The following MON2 variants were observed in gnomAD, a reference collection of about 807,000 sequenced individuals.
MON2 encodes MON2 regulator of endosome-to-Golgi trafficking, also known as protein MON2 homolog.
MON2 carries 84 observed loss-of-function variants against 208.6 expected under a neutral mutation model. The ratio of observed to expected loss-of-function variants is 0.40; its 90% CI spans 0.34 to 0.48. The LOEUF (loss-of-function observed/expected upper bound fraction) is 0.48, where lower values mean the gene tolerates loss of function less well. MON2 is among the 20% of genes least tolerant of loss of function. MON2 has a pLI of 0.59. For missense variants in MON2, 1,611 were observed against 2,015.4 expected (o/e 0.80, Z 3.84); for synonymous variants, 660 against 694.0 (o/e 0.95, Z 0.77).
At chr12:62,508,250 T>C in intron 7 of MON2, 36 bp from the exon 8 acceptor site, 1 of 1,519,626 alleles carries the variant, frequency 6.6e-7, no homozygotes, top group Non-Finnish European at 9.1e-7. Context: ...CAAATAAAGT[T>C]AATTATTTTT....
intron 12 of MON2, among the ~76,000 whole-genome samples, chr12:62,534,119 A>G (rs1490497889): frequency 6.6e-6 from 1 of 152,088 alleles, no homozygotes; most frequent in Non-Finnish European, 1.5e-5. Context: ...AGCTGGGCAT[A>G]GTGGCATGTG....
Position 62,544,887 on chromosome 12 carries a change from T to C in MON2, c.2467-11T>C, listed in dbSNP as rs1382843667. The C allele has an allele frequency of 1.9e-6, 3 of 1,600,608 alleles. No individual in the cohort carries two copies. In the Admixed American group the frequency reaches 5.1e-5, roughly 27 times the overall value. On this transcript the variant is annotated splice_polypyrimidine_tract_variant and intron_variant, in intron 20 of 34. Coordinates refer to ENST00000393630, the MANE Select transcript of MON2 (RefSeq NM_015026.3). ...AGTATACAAATTAAACTTAATTTTATATACCTTCAGGTCTGCCAGCATCCA... is the reference window on the plus strand; with the variant it reads ...AGTATACAAATTAAACTTAATTTTACATACCTTCAGGTCTGCCAGCATCCA...
In MON2 at chr12:62,599,272, G is replaced by A. The variant is rs1162541990; in HGVS notation, c.*6523G>A. The A allele has an allele frequency of 6.6e-6, 1 of 152,156 alleles. No homozygotes were observed. Among genetic ancestry groups the A allele is most frequent in the African/African-American group, 2.4e-5 (1 of 41,452 alleles). The allele number at this position is 152,156 out of a possible 1,614,324, so 9.4% of individuals were successfully genotyped here. A position where few individuals can be genotyped will look rare whatever the true frequency, so the allele number is the denominator to read the frequency against. Reference sequence around the variant, plus strand: ...ACTTTAAGTAAAAATGCTAGGTCAAGTAAAAATCCTGATGTAGATTAGATT... The same window carrying A: ...ACTTTAAGTAAAAATGCTAGGTCAAATAAAAATCCTGATGTAGATTAGATT... On this transcript the variant is annotated 3_prime_UTR_variant, in exon 35 of 35. Transcript: ENST00000393630.
chr12:62,585,486 A>T lies in MON2; in HGVS notation c.4892A>T (p.Lys1631Ile), dbSNP rs2075191760. 2 of 1,604,414 alleles carry T rather than the reference A, an allele frequency of 1.2e-6. No homozygotes were observed. The highest frequency in any genetic ancestry group is 1.7e-6 in the Non-Finnish European group (2 of 1,172,162). The part of the protein sequence containing the change: ...RYIEDERLSG[K>I]CPLPRQQVTE... The stretch of plus-strand genomic sequence containing the variant: ...ATAGAGGATGAAAGATTAAGTGGTA[A>T]ATGCCCTCTTCCAAGGTATATATTT... The change falls in exon 33 of 35, where the codon AAA becomes ATA. Residue 1631 changes from lysine (K) to isoleucine (I), a missense_variant. Coordinates refer to ENST00000393630, the MANE Select transcript of MON2 (RefSeq NM_015026.3).
At chr12:62,568,339 G>A (rs1004232652) in intron 29 of MON2, among the ~76,000 whole-genome samples, 9 of 152,058 alleles carry the variant, frequency 5.9e-5, no homozygotes, top group Non-Finnish European at 1.2e-4. Flanking sequence ...ATCAGTTTGT[G>A]TATTTTTATT....
Position 62,595,637 on chromosome 12 carries a change from A to G in MON2, c.*2888A>G, listed in dbSNP as rs2075513231. On this transcript the variant is annotated 3_prime_UTR_variant, in exon 35 of 35. Transcript: ENST00000393630. The stretch of plus-strand genomic sequence containing the variant: ...AGATTACTTCTTAGTTTCCTATGCT[A>G]CCACCACTGCCAAGGGAGAAAAAAA... 6.6e-6 allele frequency: 1 copy of G among 152,216 alleles called. No individual in the cohort carries two copies. The highest frequency in any genetic ancestry group is 1.5e-5 in the Non-Finnish European group (1 of 68,032). 9.4% of individuals were successfully genotyped at this position (152,216 alleles called of 1,614,324 possible).
chr12:62,468,168 C>A (rs1374976083), intron 1 of MON2, among the ~76,000 whole-genome samples: 11 of 145,344 alleles, frequency 7.6e-5, no homozygotes, highest in Non-Finnish European at 1.2e-4. Flanking sequence ...AAAAAAAAAA[C>A]AAACAAAAAA....
At chr12:62,483,428 C>T (rs183504971) in intron 1 of MON2, among the ~76,000 whole-genome samples, 57 of 152,294 alleles carry the variant, frequency 3.7e-4, no homozygotes, top group East Asian at 1.7e-3. Context: ...GGTCTGGGCA[C>T]GGTGGCCCAT....
In MON2 at chr12:62,598,192, CCCAGAGGTCAA is replaced by C. The variant is rs1227560430; in HGVS notation, c.*5444_*5454del. On this transcript the variant is annotated 3_prime_UTR_variant, in exon 35 of 35. Coordinates refer to ENST00000393630, the MANE Select transcript of MON2 (RefSeq NM_015026.3). ...GTGTGATTGGTTCACCCAGAGGTCA[CCCAGAGGTCAA>C]TTGAAACCTTCCTAATTGTACTATG... 6.6e-6 allele frequency: 1 copy of C among 152,100 alleles called. No individual in the cohort carries two copies. The highest frequency in any genetic ancestry group is 1.5e-5 in the Non-Finnish European group (1 of 68,018). 9.4% of individuals were successfully genotyped at this position (152,100 alleles called of 1,614,324 possible). A position where few individuals can be genotyped will look rare whatever the true frequency, so the allele number is the denominator to read the frequency against.
chr12:62,501,151 TTTAAAAAAGGA>T (rs2070808781), intron 6 of MON2, among the ~76,000 whole-genome samples: 1 of 152,158 alleles, frequency 6.6e-6, no homozygotes, highest in Non-Finnish European at 1.5e-5. Context: ...AAAAAGTTTC[TTTAAAAAAGGA>T]AAATTTAAGT....
intron 25 of MON2, among the ~76,000 whole-genome samples, chr12:62,558,103 T>G (rs1334612959): frequency 6.7e-6 from 1 of 148,796 alleles, no homozygotes; most frequent in Non-Finnish European, 1.5e-5. Flanking sequence ...GCCTCCTGAG[T>G]AGCAGGGATT....
chr12:62,554,828 C>T (rs932211101), intron 24 of MON2, among the ~76,000 whole-genome samples: 3 of 151,990 alleles, frequency 2.0e-5, no homozygotes, highest in Non-Finnish European at 4.4e-5. Context: ...CTCTCCTTAC[C>T]TTTGTGTGTG....
At chr12:62,523,520 T>C (rs979587515) in intron 8 of MON2, among the ~76,000 whole-genome samples, 4 of 152,178 alleles carry the variant, frequency 2.6e-5, no homozygotes, top group Admixed American at 2.6e-4. Context: ...ATGTTGTTTT[T>C]AGTTATTCCT....
At chr12:62,546,756 C>G in intron 21 of MON2, 141 bp from the exon 22 acceptor site, 1 of 644,950 alleles carries the variant, frequency 1.6e-6, no homozygotes, top group Non-Finnish European at 2.4e-6. Flanking sequence ...GACTCCATTT[C>G]AAAAAAAATA....
chr12:62,585,045 G>A (rs1192448633), intron 32 of MON2, among the ~76,000 whole-genome samples: 1 of 137,046 alleles, frequency 7.3e-6, no homozygotes, highest in Non-Finnish European at 1.5e-5. Context: ...TTGTGAGGGG[G>A]AATTTGTTTC....
chr12:62,493,350 C>T (rs908926768), intron 2 of MON2, among the ~76,000 whole-genome samples: 2 of 151,982 alleles, frequency 1.3e-5, no homozygotes, highest in African/African-American at 4.8e-5. Flanking sequence ...GCATGTGTAC[C>T]CAATTAATTT....
At chr12:62,592,368 T>C (rs542187446) in intron 34 of MON2, among the ~76,000 whole-genome samples, 1 of 152,330 alleles carries the variant, frequency 6.6e-6, no homozygotes, top group South Asian at 2.1e-4. Flanking sequence ...AATTTATTGT[T>C]ACTGATGACT....
At chr12:62,536,713 A>G (rs1319965330) in intron 14 of MON2, among the ~76,000 whole-genome samples, 1 of 149,786 alleles carries the variant, frequency 6.7e-6, no homozygotes, top group Non-Finnish European at 1.5e-5. Flanking sequence ...TTTTTGAGAC[A>G]GAGTCACTCT....
rs532638824 is a variant in MON2 at position 62,539,399 on chromosome 12, G to C, written c.2364+894G>C. ...CTGCCTCAGCCTCCCAAGTAGCTGG[G>C]ACTACAGGTGCCCGCCACCACGCCC... On this transcript the variant is annotated intron_variant, in intron 19 of 34. Coordinates refer to ENST00000393630, the MANE Select transcript of MON2 (RefSeq NM_015026.3). 8.0e-4 allele frequency among the ~76,000 whole-genome samples: 121 copies of C among 151,982 alleles called. 1 individual carries two copies. The highest frequency in any genetic ancestry group is 2.8e-3 in the African/African-American group (118 of 41,464).
Sources: gnomAD v4.1 joint callset for allele counts (sites outside exome capture counted in the v4.1 genomes callset) on GRCh38, gnomAD v4.1.1 for gene constraint, MANE v1.5 for transcripts, NCBI Gene and HGNC (gene_info 2026-07-23, HGNC 2026-07-21) for gene names.